KIRREL3: variants seen among roughly 807,000 people sequenced by gnomAD.
The protein encoded by KIRREL3 is kirre like nephrin family adhesion molecule 3, also known as kin of IRRE-like protein 3.
A neutral mutation model predicts 89.7 loss-of-function variants in KIRREL3; 36 were observed. That is an observed-to-expected ratio of 0.40 (90% confidence interval 0.31 to 0.53). The LOEUF (loss-of-function observed/expected upper bound fraction) is 0.53, where lower values mean the gene tolerates loss of function less well. KIRREL3 is among the 20% of genes least tolerant of loss of function. The pLI is 0.49. For missense variants in KIRREL3, 864 were observed against 1,056.6 expected (o/e 0.82, Z 2.53); for synonymous variants, 445 against 441.4 (o/e 1.01, Z -0.10).
intron 1 of KIRREL3, among the ~76,000 whole-genome samples, chr11:126,737,708 C>T (rs893141264): frequency 2.0e-5 from 3 of 152,074 alleles, no homozygotes; most frequent in Admixed American, 6.5e-5. Context: ...AGGCTTTTTT[C>T]GGTTTCTTAA....
At chr11:126,745,481 AAC>A (rs1161993226) in intron 1 of KIRREL3, among the ~76,000 whole-genome samples, 1 of 110,590 alleles carries the variant, frequency 9.0e-6, no homozygotes, top group African/African-American at 3.9e-5. Context: ...CAAACAAACA[AAC>A]AAACAGAAAA....
At chr11:126,440,681 A>T in intron 10 of KIRREL3, 132 bp from the exon 11 acceptor site, 2 of 809,652 alleles carry the variant, frequency 2.5e-6, no homozygotes, top group South Asian at 2.9e-5. Context: ...TGTATGTGCA[A>T]GGTAAAGTGC....
In KIRREL3 at chr11:126,940,180, C is replaced by T. The variant is rs577730983; in HGVS notation, c.55+60275G>A. ...CCCTAGCACTTCCACAAACAGCCTG[C>T]TCTCAAAGGATTGTCAAACGTGCAA... On this transcript the variant is annotated intron_variant, in intron 1 of 16. Coordinates refer to ENST00000525144, the MANE Select transcript of KIRREL3 (RefSeq NM_032531.4). The surrounding 1 kb of genome is among the most constrained non-coding windows in gnomAD (Gnocchi z 4.6). 6.6e-6 allele frequency among the ~76,000 whole-genome samples: 1 copy of T among 152,294 alleles called. No individual in the cohort carries two copies. Among genetic ancestry groups the T allele is most frequent in the East Asian group, 1.9e-4 (1 of 5,194 alleles).
At chr11:126,450,518 T>A (rs890704114) in intron 7 of KIRREL3, among the ~76,000 whole-genome samples, 1 of 150,834 alleles carries the variant, frequency 6.6e-6, no homozygotes, top group Non-Finnish European at 1.5e-5. Context: ...TGTGTGTGTG[T>A]GCATCTGCGT....
rs903173637 is a variant in KIRREL3 at position 126,918,645 on chromosome 11, G to A, written c.55+81810C>T. Among the ~76,000 whole-genome samples, 2 of 152,194 alleles carry A rather than the reference G, an allele frequency of 1.3e-5. No homozygotes were observed. The highest frequency in any genetic ancestry group is 2.4e-5 in the African/African-American group (1 of 41,448). On this transcript the variant is annotated intron_variant, in intron 1 of 16. Transcript: ENST00000525144. This position sits in a 1 kb window ranked among gnomAD's most constrained non-coding sequence, Gnocchi z 6.5. ...CTAGGAGTTTATAATCTAAGAAAGG[G>A]ATTGCAAATACATAGAAAGGCTATT... is the stretch of plus-strand genomic sequence containing the variant.
Position 126,748,512 on chromosome 11 carries a change from G to A in KIRREL3, c.56-185600C>T, listed in dbSNP as rs1473184387. 2.6e-5 allele frequency among the ~76,000 whole-genome samples: 4 copies of A among 152,174 alleles called. No homozygotes were observed. Among genetic ancestry groups the A allele is most frequent in the Non-Finnish European group, 5.9e-5 (4 of 68,036 alleles). On this transcript the variant is annotated intron_variant, in intron 1 of 16. Transcript: ENST00000525144. This position sits in a 1 kb window ranked among gnomAD's most constrained non-coding sequence, Gnocchi z 4.6. ...AGGCCATCTCTAAACAGGCTCTGTG[G>A]AGGCGAGGCCTGGCTCCGTTCAAGT...
chr11:126,858,263 G>A (rs1944595607), intron 1 of KIRREL3, among the ~76,000 whole-genome samples: 1 of 152,328 alleles, frequency 6.6e-6, no homozygotes, highest in African/African-American at 2.4e-5. Context: ...TCTGGAGCCT[G>A]TGACTATGAG....
At chr11:126,923,367 C>CT (rs201467052) in intron 1 of KIRREL3, among the ~76,000 whole-genome samples, 12 of 40,726 alleles carry the variant, frequency 2.9e-4, no homozygotes, top group African/African-American at 1.1e-3. Flanking sequence ...CCTTCTCCTT[C>CT]TCCTTCTTCC....
In KIRREL3 at chr11:126,555,907, AT is replaced by A. The variant is rs1939673603; in HGVS notation, c.133+6927del. The stretch of plus-strand genomic sequence containing the variant: ...AGGTGTGTGCCACCACGCCTGGCTA[AT>A]TTTTTGTGTTTTTGGTAGAGGTGGG... On this transcript the variant is annotated intron_variant, in intron 2 of 16. Transcript: ENST00000525144. This position sits in a 1 kb window ranked among gnomAD's most constrained non-coding sequence, Gnocchi z 4.2. 6.6e-6 allele frequency among the ~76,000 whole-genome samples: 1 copy of A among 151,892 alleles called. No individual in the cohort carries two copies. The highest frequency in any genetic ancestry group is 2.4e-5 in the African/African-American group (1 of 41,330).
In KIRREL3 at chr11:126,528,081, G is replaced by A. The variant is rs994324616; in HGVS notation, c.134-1394C>T. On this transcript the variant is annotated intron_variant, in intron 2 of 16. Coordinates refer to ENST00000525144, the MANE Select transcript of KIRREL3 (RefSeq NM_032531.4). This position sits in a 1 kb window ranked among gnomAD's most constrained non-coding sequence, Gnocchi z 4.6. ...GGCACAGTAACCTGCCCAAGGTCACGCAGCTAATGAGTGTTAGAGCAGGGG... is the reference window on the plus strand; with the variant it reads ...GGCACAGTAACCTGCCCAAGGTCACACAGCTAATGAGTGTTAGAGCAGGGG... 1.3e-5 allele frequency among the ~76,000 whole-genome samples: 2 copies of A among 152,200 alleles called. No individual in the cohort carries two copies. The highest frequency in any genetic ancestry group is 1.9e-4 in the East Asian group (1 of 5,200).
At chr11:126,674,640 T>A (rs900315029) in intron 1 of KIRREL3, among the ~76,000 whole-genome samples, 1 of 152,196 alleles carries the variant, frequency 6.6e-6, no homozygotes, top group Non-Finnish European at 1.5e-5. Flanking sequence ...AAAAGGAGAT[T>A]CTTTTCATTT....
At chr11:126,751,889 G>A (rs984271597) in intron 1 of KIRREL3, among the ~76,000 whole-genome samples, 3 of 152,132 alleles carry the variant, frequency 2.0e-5, no homozygotes, top group Admixed American at 6.5e-5. Flanking sequence ...TATTTTTAGA[G>A]ATGGGGTTTT....
chr11:126,702,516 A>G (rs2134121389), intron 1 of KIRREL3, among the ~76,000 whole-genome samples: 2 of 152,304 alleles, frequency 1.3e-5, no homozygotes, highest in Middle Eastern at 6.8e-3. Flanking sequence ...AGGAGGGCAG[A>G]TCTCCCAACC....
chr11:126,625,232 G>A (rs1345320734), intron 1 of KIRREL3, among the ~76,000 whole-genome samples: 1 of 152,138 alleles, frequency 6.6e-6, no homozygotes, highest in Non-Finnish European at 1.5e-5. Flanking sequence ...AGGTCACTCA[G>A]CTTCCTCAAG....
At chr11:126,548,068 G>T (rs143445842) in intron 2 of KIRREL3, among the ~76,000 whole-genome samples, 3 of 152,254 alleles carry the variant, frequency 2.0e-5, no homozygotes, top group East Asian at 1.9e-4. Context: ...TTGTGTGTCA[G>T]CTCCATCTCT....
rs1343055489 is a variant in KIRREL3 at position 126,943,558 on chromosome 11, C to A, written c.55+56897G>T. ...TGAGCCCAGGACAAGATTAAATCAG[C>A]AGACTGAACGATAAATGAACAGTAA... On this transcript the variant is annotated intron_variant, in intron 1 of 16. Coordinates refer to ENST00000525144, the MANE Select transcript of KIRREL3 (RefSeq NM_032531.4). The surrounding 1 kb of genome is among the most constrained non-coding windows in gnomAD (Gnocchi z 4.2). Among the ~76,000 whole-genome samples the A allele has an allele frequency of 6.6e-6, 1 of 152,172 alleles. No individual in the cohort carries two copies. Among genetic ancestry groups the A allele is most frequent in the Non-Finnish European group, 1.5e-5 (1 of 68,040 alleles).
intron 2 of KIRREL3, among the ~76,000 whole-genome samples, chr11:126,548,842 T>C (rs1206571508): frequency 6.6e-6 from 1 of 152,076 alleles, no homozygotes; most frequent in Non-Finnish European, 1.5e-5. Context: ...GCTCACCACG[T>C]GGGTGGGTCC....
intron 2 of KIRREL3, among the ~76,000 whole-genome samples, chr11:126,542,568 T>A (rs1251836697): frequency 6.6e-6 from 1 of 152,186 alleles, no homozygotes; most frequent in Non-Finnish European, 1.5e-5. Flanking sequence ...TGCCTCCTAC[T>A]CAGCTGAGGG....
chr11:126,637,106 A>C (rs1038873235), intron 1 of KIRREL3, among the ~76,000 whole-genome samples: 9 of 151,570 alleles, frequency 5.9e-5, no homozygotes, highest in African/African-American at 2.2e-4. Context: ...GCCCCTCCCT[A>C]CTCCCCTACT....
Sources: gnomAD v4.1 joint callset for allele counts (sites outside exome capture counted in the v4.1 genomes callset) on GRCh38, gnomAD v4.1.1 for gene constraint, Gnocchi (gnomAD v3.1) non-coding constraint, MANE v1.5 for transcripts, NCBI Gene and HGNC (gene_info 2026-07-23, HGNC 2026-07-21) for gene names.